Variants in CA5A observed in about 807,000 individuals in gnomAD.
CA5A encodes the protein carbonic anhydrase 5A, mitochondrial.
In CA5A, 28 loss-of-function variants were observed where a neutral mutation model predicts 37.1. That is an observed-to-expected ratio of 0.75 (90% CI 0.56 to 1.03). The LOEUF is 1.03. Ranked by LOEUF, CA5A falls within the 50% of genes least tolerant of loss-of-function variation. CA5A has a pLI of 0.00. For synonymous variants in CA5A, 171 were observed against 158.4 expected (o/e 1.08, Z -0.60); for missense variants, 444 against 399.9 (o/e 1.11, Z -0.94).
At chr16:87,907,509 A>G (rs957058646) in intron 2 of CA5A, among the ~76,000 whole-genome samples, 1 of 152,210 alleles carries the variant, frequency 6.6e-6, no homozygotes, top group African/African-American at 2.4e-5. Context: ...TCTCTTCTAG[A>G]ATAGAAATGC....
At chr16:87,926,298 C>A (rs972437700) in intron 2 of CA5A, among the ~76,000 whole-genome samples, 1 of 152,218 alleles carries the variant, frequency 6.6e-6, no homozygotes. Flanking sequence ...CATTTCCAGG[C>A]TCCCAATGCC....
At chr16:87,895,626 A>C (rs2055790770) in intron 5 of CA5A, among the ~76,000 whole-genome samples, 1 of 152,230 alleles carries the variant, frequency 6.6e-6, no homozygotes. Context: ...GTATATTCAC[A>C]GTTGTGCAGC....
chr16:87,917,415 T>C (rs1208386093), intron 2 of CA5A, among the ~76,000 whole-genome samples: 1 of 152,216 alleles, frequency 6.6e-6, no homozygotes, highest in Admixed American at 6.5e-5. Context: ...AGGTAAACTT[T>C]GGAAGCTGTT....
chr16:87,921,793 TC>T (rs2056234129), intron 2 of CA5A, among the ~76,000 whole-genome samples: 1 of 152,198 alleles, frequency 6.6e-6, no homozygotes. Flanking sequence ...GATTCTTGGA[TC>T]TGCCTTGCAC....
At chr16:87,931,024 C>G (rs1419563359) in intron 1 of CA5A, among the ~76,000 whole-genome samples, 1 of 151,862 alleles carries the variant, frequency 6.6e-6, no homozygotes, top group Non-Finnish European at 1.5e-5. Flanking sequence ...TAGGCGTGAG[C>G]CACTGCGCCC....
intron 2 of CA5A, among the ~76,000 whole-genome samples, chr16:87,920,775 T>C (rs1348228613): frequency 3.3e-5 from 5 of 151,956 alleles, no homozygotes; most frequent in South Asian, 2.1e-4. Flanking sequence ...CTTGCCACCA[T>C]GCCCAGCTAA....
chr16:87,927,498 C>G (rs1367452746), intron 1 of CA5A, among the ~76,000 whole-genome samples: 1 of 152,314 alleles, frequency 6.6e-6, no homozygotes, highest in Middle Eastern at 3.4e-3. Flanking sequence ...GGCAGCCCCT[C>G]TACCTACTTC....
intron 2 of CA5A, chr16:87,923,814 T>C: frequency 1.0e-6 from 1 of 985,338 alleles, no homozygotes; most frequent in Non-Finnish European, 1.2e-6. Context: ...AGGAGGAATA[T>C]GAATCCCATA....
chr16:87,930,489 A>G (rs1263640082), intron 1 of CA5A, among the ~76,000 whole-genome samples: 1 of 152,088 alleles, frequency 6.6e-6, no homozygotes, highest in Non-Finnish European at 1.5e-5. Context: ...GTGGAACCTG[A>G]GGCCTGAATC....
chr16:87,925,276 A>C (rs2144061889), intron 2 of CA5A, among the ~76,000 whole-genome samples: 2 of 152,276 alleles, frequency 1.3e-5, no homozygotes, highest in East Asian at 3.9e-4. Flanking sequence ...ACATTCAGCA[A>C]AAGGACGCAG....
At chr16:87,929,834 C>A (rs183704791) in intron 1 of CA5A, among the ~76,000 whole-genome samples, 2 of 132,496 alleles carry the variant, frequency 1.5e-5, no homozygotes, top group Non-Finnish European at 3.1e-5. Context: ...ATCGCGCCAC[C>A]GCACTCCAGC....
chr16:87,898,315 G>C (rs960031294), intron 5 of CA5A, among the ~76,000 whole-genome samples: 1 of 152,216 alleles, frequency 6.6e-6, no homozygotes, highest in Non-Finnish European at 1.5e-5. Flanking sequence ...AGTCCGCGGG[G>C]GAGTGGCAGA....
chr16:87,915,695 A>AC (rs796890972), intron 2 of CA5A, among the ~76,000 whole-genome samples: 1 of 148,830 alleles, frequency 6.7e-6, no homozygotes, highest in East Asian at 2.0e-4. Flanking sequence ...TCTCCAAAAA[A>AC]AAAAAAAAAA....
intron 3 of CA5A, among the ~76,000 whole-genome samples, chr16:87,903,844 T>G (rs2055916988): frequency 3.9e-5 from 6 of 152,236 alleles, no homozygotes; most frequent in Admixed American, 3.9e-4. Context: ...ATCACAGGAC[T>G]GAGACATCAA....
intron 2 of CA5A, among the ~76,000 whole-genome samples, chr16:87,915,291 G>T (rs1194941606): frequency 6.6e-6 from 1 of 152,028 alleles, no homozygotes; most frequent in African/African-American, 2.4e-5. Context: ...TTTCCTCCAA[G>T]GCCCAAACTG....
intron 2 of CA5A, among the ~76,000 whole-genome samples, chr16:87,921,628 G>A (rs1293547321): frequency 6.6e-6 from 1 of 152,190 alleles, no homozygotes; most frequent in African/African-American, 2.4e-5. Flanking sequence ...TCTGGACCCC[G>A]TGAATGGGAG....
intron 2 of CA5A, among the ~76,000 whole-genome samples, chr16:87,915,424 A>T (rs1234969427): frequency 2.0e-5 from 3 of 151,778 alleles, no homozygotes; most frequent in African/African-American, 7.3e-5. Context: ...AGTCCCAGCT[A>T]CTTGGGAGGC....
intron 6 of CA5A, among the ~76,000 whole-genome samples, chr16:87,890,823 T>G (rs1357517812): frequency 6.6e-6 from 1 of 151,362 alleles, no homozygotes; most frequent in Non-Finnish European, 1.5e-5. Flanking sequence ...AGATGGAGTT[T>G]TGCTCTTGTT....
intron 5 of CA5A, among the ~76,000 whole-genome samples, chr16:87,894,957 G>C (rs1316364374): frequency 1.3e-5 from 2 of 152,112 alleles, no homozygotes; most frequent in Non-Finnish European, 2.9e-5. Flanking sequence ...CCCATCTAAA[G>C]TGTACAGCCT....
Sources: gnomAD v4.1 joint callset for allele counts (sites outside exome capture counted in the v4.1 genomes callset) on GRCh38, gnomAD v4.1.1 for gene constraint, MANE v1.5 for transcripts, NCBI Gene and HGNC (gene_info 2026-07-23, HGNC 2026-07-21) for gene names.